The following TBC1D4 variants were observed in gnomAD, a reference collection of about 807,000 sequenced individuals.
TBC1D4 encodes the protein TBC (Tre-2, BUB2, CDC16) domain-containing protein.
TBC1D4 carries 121 observed loss-of-function variants against 142.5 expected under a neutral mutation model. The ratio of observed to expected loss-of-function variants is 0.85; its 90% CI spans 0.73 to 0.99. The LOEUF (loss-of-function observed/expected upper bound fraction) is 0.99, where lower values mean the gene tolerates loss of function less well. Among genes scored for constraint, TBC1D4 ranks in the 50% least tolerant of loss-of-function variants. The probability of loss-of-function intolerance (pLI) is 0.00; values close to 1 mark genes in which losing one functional copy is unlikely to be tolerated. For missense variants in TBC1D4, 1,475 were observed against 1,606.6 expected (o/e 0.92, Z 1.40); for synonymous variants, 630 against 628.2 (o/e 1.00, Z -0.04).
chr13:75,304,639 G>A (rs1231635696), intron 15 of TBC1D4, among the ~76,000 whole-genome samples: 1 of 152,138 alleles, frequency 6.6e-6, no homozygotes, highest in Non-Finnish European at 1.5e-5. Context: ...GGACCTGAGG[G>A]ATAATAGGAT....
In TBC1D4 at chr13:75,481,861, C is replaced by G; in HGVS notation, c.-94G>C. The G allele has an allele frequency of 7.3e-7, 1 of 1,375,318 alleles. No homozygotes were observed. The highest frequency in any genetic ancestry group is 1.5e-5 in the African/African-American group (1 of 65,126). 85.2% of individuals were successfully genotyped at this position (1,375,318 alleles called of 1,614,324 possible). A position where few individuals can be genotyped will look rare whatever the true frequency, so the allele number is the denominator to read the frequency against. Reference sequence around the variant, plus strand: ...GGCGCCGCCGAAACTGTGCCAACTGCCGCACCGGGCTCCCGCGCCTGCCTG... The same window carrying G: ...GGCGCCGCCGAAACTGTGCCAACTGGCGCACCGGGCTCCCGCGCCTGCCTG... On this transcript the variant is annotated 5_prime_UTR_variant, in exon 1 of 21. Coordinates refer to ENST00000377636, the MANE Select transcript of TBC1D4 (RefSeq NM_014832.5).
chr13:75,389,882 G>A (rs1884373884), intron 1 of TBC1D4, among the ~76,000 whole-genome samples: 1 of 152,176 alleles, frequency 6.6e-6, no homozygotes, highest in South Asian at 2.1e-4. Flanking sequence ...AAACACTAAA[G>A]ATGGTAGGAA....
intron 1 of TBC1D4, among the ~76,000 whole-genome samples, chr13:75,419,488 G>A (rs1174472479): frequency 1.3e-5 from 2 of 152,086 alleles, no homozygotes; most frequent in African/African-American, 4.8e-5. Flanking sequence ...GAGTTCTGAT[G>A]AGGCATACCT....
At chr13:75,466,651 T>C (rs1172095179) in intron 1 of TBC1D4, among the ~76,000 whole-genome samples, 2 of 151,958 alleles carry the variant, frequency 1.3e-5, no homozygotes, top group Non-Finnish European at 2.9e-5. Flanking sequence ...GACGGGCAGA[T>C]CACGAGGTCA....
At chr13:75,472,724 T>C (rs961841284) in intron 1 of TBC1D4, among the ~76,000 whole-genome samples, 2 of 152,040 alleles carry the variant, frequency 1.3e-5, no homozygotes, top group Non-Finnish European at 2.9e-5. Context: ...GCAACAAGCA[T>C]TGGGTGGTCT....
Position 75,286,737 on chromosome 13 carries a change from C to G in TBC1D4, c.*55G>C. On this transcript the variant is annotated 3_prime_UTR_variant, in exon 21 of 21. Coordinates refer to ENST00000377636, the MANE Select transcript of TBC1D4 (RefSeq NM_014832.5). ...GCCTTGGGCCAGCGACATGCAGGCT[C>G]TTCCTCTCTGTAGTATTCTAAGGAG... The G allele has an allele frequency of 6.4e-7, 1 of 1,557,116 alleles. No individual in the cohort carries two copies. The highest frequency in any genetic ancestry group is 1.1e-5 in the South Asian group (1 of 87,530).
chr13:75,424,712 C>T lies in TBC1D4; in HGVS notation c.498+56558G>A, dbSNP rs780767168. Among the ~76,000 whole-genome samples the T allele has an allele frequency of 3.9e-5, 6 of 152,272 alleles. 1 individual carries two copies. In the South Asian group the frequency reaches 1.2e-3, roughly 32 times the overall value. ...GACAGAACCCAGAAATAAGTTCCCA[C>T]ACTTATGGTCAGTTAATTTTCAACA... On this transcript the variant is annotated intron_variant, in intron 1 of 20. Coordinates refer to ENST00000377636, the MANE Select transcript of TBC1D4 (RefSeq NM_014832.5).
chr13:75,370,008 A>C (rs1050317831), intron 1 of TBC1D4, among the ~76,000 whole-genome samples: 11 of 152,180 alleles, frequency 7.2e-5, no homozygotes, highest in Non-Finnish European at 1.6e-4. Context: ...AAAGACATAA[A>C]ATTTTGAGGA....
intron 3 of TBC1D4, among the ~76,000 whole-genome samples, chr13:75,359,151 C>A (rs1292831874): frequency 2.0e-5 from 3 of 152,272 alleles, no homozygotes; most frequent in African/African-American, 7.2e-5. Context: ...CCTACATTTA[C>A]ATTTAGATAC....
chr13:75,446,598 A>T (rs1158639457), intron 1 of TBC1D4, among the ~76,000 whole-genome samples: 1 of 152,254 alleles, frequency 6.6e-6, no homozygotes, highest in Non-Finnish European at 1.5e-5. Context: ...TAAATTATCC[A>T]AAAGCAGAGA....
intron 1 of TBC1D4, among the ~76,000 whole-genome samples, chr13:75,439,251 T>A (rs7323209): frequency 2.6e-5 from 4 of 152,098 alleles, no homozygotes; most frequent in African/African-American, 9.7e-5. Context: ...CATAACTTCA[T>A]GTATAAAGTT....
intron 1 of TBC1D4, among the ~76,000 whole-genome samples, chr13:75,387,056 G>A (rs975703440): frequency 6.6e-6 from 1 of 151,840 alleles, no homozygotes; most frequent in African/African-American, 2.4e-5. Context: ...AATTATAACT[G>A]AGAAAATTTA....
At chr13:75,436,057 A>G (rs1170493508) in intron 1 of TBC1D4, among the ~76,000 whole-genome samples, 1 of 152,146 alleles carries the variant, frequency 6.6e-6, no homozygotes, top group Non-Finnish European at 1.5e-5. Context: ...AGGTAATTGA[A>G]TCATGGCAGC....
intron 14 of TBC1D4, among the ~76,000 whole-genome samples, chr13:75,307,604 C>T (rs1877311950): frequency 6.6e-6 from 1 of 152,104 alleles, no homozygotes; most frequent in South Asian, 2.1e-4. Flanking sequence ...TGTCATGCAT[C>T]CCAAGTCCTC....
chr13:75,339,736 G>A (rs888969932), intron 7 of TBC1D4, among the ~76,000 whole-genome samples: 4 of 124,752 alleles, frequency 3.2e-5, no homozygotes, highest in South Asian at 3.6e-4. Context: ...CCACCACACC[G>A]GCTAATTGTT....
At chr13:75,480,818 T>C (rs1434731435) in intron 1 of TBC1D4, among the ~76,000 whole-genome samples, 3 of 151,990 alleles carry the variant, frequency 2.0e-5, no homozygotes, top group Non-Finnish European at 4.4e-5. Context: ...TGAGAACTAG[T>C]GAGGACCTCT....
In TBC1D4 at chr13:75,311,369, C is replaced by T. The variant is rs532382897; in HGVS notation, c.2384-1218G>A. On this transcript the variant is annotated intron_variant, in intron 13 of 20. Coordinates refer to ENST00000377636, the MANE Select transcript of TBC1D4 (RefSeq NM_014832.5). ...TCTGTGAAGCTTTTTCTGACCACCT[C>T]GGGCAGAGTTAACTTCATCTTTAGT... Among the ~76,000 whole-genome samples the T allele has an allele frequency of 5.9e-5, 9 of 152,294 alleles. No homozygotes were observed. In the South Asian group the frequency reaches 6.2e-4, roughly 11 times the overall value.
In TBC1D4 at chr13:75,400,064, C is replaced by T. The variant is rs137992795; in HGVS notation, c.499-37457G>A. Among the ~76,000 whole-genome samples, 1,174 of 152,304 alleles carry T rather than the reference C, an allele frequency of 7.7e-3. 8 individuals are homozygous for T. Among genetic ancestry groups the T allele is most frequent in the African/African-American group, 0.025 (1,052 of 41,546 alleles). On this transcript the variant is annotated intron_variant, in intron 1 of 20. Coordinates refer to ENST00000377636, the MANE Select transcript of TBC1D4 (RefSeq NM_014832.5). Reference sequence around the variant, plus strand: ...GCTCTTGCAGACACTATGTGGAGTACAGATGAGCCATCCATCAAGCCCTGC... The same window carrying T: ...GCTCTTGCAGACACTATGTGGAGTATAGATGAGCCATCCATCAAGCCCTGC...
At chr13:75,350,264 T>C (rs1466154461) in intron 4 of TBC1D4, among the ~76,000 whole-genome samples, 1 of 152,222 alleles carries the variant, frequency 6.6e-6, no homozygotes, top group African/African-American at 2.4e-5. Context: ...CACATTTTTA[T>C]ATTCTTTTCC....
Sources: allele counts gnomAD v4.1 joint callset (sites outside exome capture counted in the v4.1 genomes callset), GRCh38; gene constraint gnomAD v4.1.1; transcripts MANE v1.5; gene names NCBI Gene and HGNC (gene_info 2026-07-23, HGNC 2026-07-21).